Variants in PACSIN2 observed in about 807,000 individuals in gnomAD.
PACSIN2 encodes the protein protein kinase C and casein kinase substrate in neurons protein 2.
A neutral mutation model predicts 63.8 loss-of-function variants in PACSIN2; 25 were observed. The ratio of observed to expected loss-of-function variants is 0.39; its 90% CI spans 0.29 to 0.55. The LOEUF (loss-of-function observed/expected upper bound fraction) is 0.55. Among genes scored for constraint, PACSIN2 ranks in the 20% least tolerant of loss-of-function variants. The pLI is 0.62. For missense variants in PACSIN2, 518 were observed against 646.9 expected (o/e 0.80, Z 2.16); for synonymous variants, 255 against 256.2 (o/e 1.00, Z 0.05).
At chr22:42,907,925 A>G (rs2146712032) in intron 2 of PACSIN2, among the ~76,000 whole-genome samples, 1 of 152,366 alleles carries the variant, frequency 6.6e-6, no homozygotes, top group East Asian at 1.9e-4. Flanking sequence ...CTGCAGTGCT[A>G]GAGTCTGAGA....
chr22:42,936,932 G>A (rs1022881902), intron 1 of PACSIN2, among the ~76,000 whole-genome samples: 1 of 149,230 alleles, frequency 6.7e-6, no homozygotes, highest in Non-Finnish European at 1.5e-5. Context: ...GGGGGGCAGG[G>A]GCAGTAAATT....
At position 43,015,125 on chromosome 22, in the gene PACSIN2, T is replaced by G. The variant is rs1374462198; in HGVS notation, c.-182A>C. 6.6e-6 allele frequency: 1 copy of G among 152,486 alleles called. No individual in the cohort carries two copies. Among genetic ancestry groups the G allele is most frequent in the Non-Finnish European group, 1.5e-5 (1 of 68,508 alleles). 9.4% of individuals were successfully genotyped at this position (152,486 alleles called of 1,614,324 possible). On this transcript the variant is annotated 5_prime_UTR_variant, in exon 1 of 11. Transcript: ENST00000263246. Reference sequence around the variant, plus strand: ...TTGCTCCGGCAGCACTGCCCAGCCCTGCCCAGACCCCTGCGGCCGCTTCTG... The same window carrying G: ...TTGCTCCGGCAGCACTGCCCAGCCCGGCCCAGACCCCTGCGGCCGCTTCTG...
At chr22:42,873,118 T>C (rs751192489) in intron 10 of PACSIN2, among the ~76,000 whole-genome samples, 2 of 152,118 alleles carry the variant, frequency 1.3e-5, no homozygotes, top group South Asian at 2.1e-4. Context: ...ACACAGAAAA[T>C]AGAACGGACA....
In PACSIN2 at chr22:42,893,394, C is replaced by T. The variant is rs1930050680; in HGVS notation, c.217+63G>A. ...TGGCATAGAGAGGGTCACAACGTGC[C>T]CAGAGCCCCCGGCTGGGGTGTAGCT... On this transcript the variant is annotated intron_variant, in intron 3 of 10. Transcript: ENST00000263246. The T allele has an allele frequency of 3.9e-6, 6 of 1,546,688 alleles. No homozygotes were observed. In the South Asian group the frequency reaches 6.7e-5, roughly 17 times the overall value.
chr22:42,929,528 G>A (rs1932736018), intron 1 of PACSIN2, among the ~76,000 whole-genome samples: 1 of 152,198 alleles, frequency 6.6e-6, no homozygotes, highest in Admixed American at 6.5e-5. Context: ...GCTTGATCCT[G>A]CTTCCAAAGT....
intron 1 of PACSIN2, among the ~76,000 whole-genome samples, chr22:43,011,965 T>G (rs1409496372): frequency 6.6e-6 from 1 of 150,782 alleles, no homozygotes; most frequent in Non-Finnish European, 1.5e-5. Context: ...GCCAACACGG[T>G]GAAATCCCGT....
chr22:42,913,480 CAAAAA>C (rs138842796), intron 1 of PACSIN2, among the ~76,000 whole-genome samples: 51 of 93,098 alleles, frequency 5.5e-4, no homozygotes, highest in East Asian at 4.1e-3. Context: ...ACTCCGTCTC[CAAAAA>C]AAAAAAAAAA....
At chr22:42,952,599 C>T (rs928766674) in intron 1 of PACSIN2, among the ~76,000 whole-genome samples, 2 of 151,424 alleles carry the variant, frequency 1.3e-5, no homozygotes, top group African/African-American at 4.9e-5. Context: ...CCTCGTGATC[C>T]GCCCACCTTG....
rs1156646492 is a variant in PACSIN2 at position 42,876,255 on chromosome 22, C to T, written c.1230G>A (p.Thr410=). ...ATGGATTCGAGTCCCCATTGGCATCCGTGGAGGAGAAGGGGTTGTTAGACT... is the reference window on the plus strand; with the variant it reads ...ATGGATTCGAGTCCCCATTGGCATCTGTGGAGGAGAAGGGGTTGTTAGACT... ...DDESNNPFSS[T]DANGDSNPFD... The change falls in exon 10 of 11, where the codon ACG becomes ACA. Residue 410 remains threonine (T), a synonymous_variant. Coordinates refer to ENST00000263246, the MANE Select transcript of PACSIN2 (RefSeq NM_001184970.3). 3.7e-6 allele frequency: 6 copies of T among 1,614,176 alleles called. No homozygotes were observed. The highest frequency in any genetic ancestry group is 3.4e-6 in the Non-Finnish European group (4 of 1,180,036).
chr22:42,883,379 G>A (rs1025000571), intron 6 of PACSIN2, among the ~76,000 whole-genome samples: 3 of 152,182 alleles, frequency 2.0e-5, no homozygotes, highest in Admixed American at 6.5e-5. Flanking sequence ...TTACACAGAG[G>A]GAGACAAACG....
chr22:42,874,529 T>C (rs1417865412), intron 10 of PACSIN2, among the ~76,000 whole-genome samples: 1 of 152,164 alleles, frequency 6.6e-6, no homozygotes, highest in Non-Finnish European at 1.5e-5. Context: ...CACACACAAG[T>C]TGCTGCCTGA....
chr22:42,917,750 T>C (rs531842956), intron 1 of PACSIN2, among the ~76,000 whole-genome samples: 24 of 152,286 alleles, frequency 1.6e-4, no homozygotes, highest in African/African-American at 5.8e-4. Flanking sequence ...TAAGCCATGG[T>C]GGTTTAATCT....
At chr22:42,929,025 T>C (rs1932707066) in intron 1 of PACSIN2, among the ~76,000 whole-genome samples, 2 of 152,224 alleles carry the variant, frequency 1.3e-5, no homozygotes, top group African/African-American at 4.8e-5. Context: ...CAGGAGATTA[T>C]GGAAGAATAA....
At chr22:42,999,635 T>C (rs1923638459) in intron 1 of PACSIN2, among the ~76,000 whole-genome samples, 1 of 151,954 alleles carries the variant, frequency 6.6e-6, no homozygotes, top group Admixed American at 6.6e-5. Context: ...GCCATTGCAC[T>C]CCAGCCTGGG....
intron 1 of PACSIN2, among the ~76,000 whole-genome samples, chr22:42,931,763 C>T (rs924188674): frequency 6.6e-6 from 1 of 152,156 alleles, no homozygotes; most frequent in South Asian, 2.1e-4. Context: ...GCAGAGATCA[C>T]GTTGTTATTA....
chr22:42,971,226 C>CA (rs1921236542), intron 1 of PACSIN2, among the ~76,000 whole-genome samples: 1 of 152,230 alleles, frequency 6.6e-6, no homozygotes. Context: ...CCTGGGATTG[C>CA]AGGCGCGCGC....
At chr22:42,968,229 A>G (rs1397962869) in intron 1 of PACSIN2, among the ~76,000 whole-genome samples, 1 of 152,176 alleles carries the variant, frequency 6.6e-6, no homozygotes, top group Non-Finnish European at 1.5e-5. Flanking sequence ...AGAACTAAAC[A>G]TCTGTTTCAC....
In PACSIN2 at chr22:42,884,425, A is replaced by G. The variant is rs1267679503; in HGVS notation, c.746T>C (p.Leu249Pro). 2 of 1,614,128 alleles carry G rather than the reference A, an allele frequency of 1.2e-6. No individual in the cohort carries two copies. The highest frequency in any genetic ancestry group is 1.7e-6 in the Non-Finnish European group (2 of 1,180,048). The change falls in exon 6 of 11, where the codon CTG becomes CCG. Residue 249 changes from leucine to proline, a missense_variant. Leu to Pro is a moderately conservative substitution (Grantham distance 98, BLOSUM62 -3). Around this residue, in one of 2 missense-constraint regions of PACSIN2, gnomAD observed 507 missense variants for 612.3 expected, o/e 0.83. Transcript: ENST00000263246. ...CAGGTCTAGGTGCTTCTGAACCTCC[A>G]GCAGAACCTCCCGGAAGAAGCGAAG... ...KRLRFFREVLLEVQKHLDLSN... is the reference protein window; with the variant it reads ...KRLRFFREVLPEVQKHLDLSN...
chr22:42,871,231 G>T lies in PACSIN2; in HGVS notation c.*126C>A. On this transcript the variant is annotated 3_prime_UTR_variant, in exon 11 of 11. Coordinates refer to ENST00000263246, the MANE Select transcript of PACSIN2 (RefSeq NM_001184970.3). The surrounding 1 kb of genome is among the most constrained non-coding windows in gnomAD (Gnocchi z 5.4). The stretch of plus-strand genomic sequence containing the variant: ...AATGACCAGCTCATCTGCCTTCCAG[G>T]AACACCATGAAGCCAAGAGCAATGG... The T allele has an allele frequency of 1.5e-6, 1 of 673,742 alleles. No homozygotes were observed. Among genetic ancestry groups the T allele is most frequent in the South Asian group, 1.7e-5 (1 of 60,016 alleles). The allele number at this position is 673,742 out of a possible 1,614,324, so 41.7% of individuals were successfully genotyped here.
Sources: allele counts gnomAD v4.1 joint callset (sites outside exome capture counted in the v4.1 genomes callset), GRCh38; gene constraint gnomAD v4.1.1; regional missense constraint gnomAD v4.1.1; non-coding constraint Gnocchi (gnomAD v3.1); transcripts MANE v1.5; gene names NCBI Gene and HGNC (gene_info 2026-07-23, HGNC 2026-07-21).